The following ZNF385D variants were observed in gnomAD, a reference collection of about 807,000 sequenced individuals.
ZNF385D encodes zinc finger protein 659.
In ZNF385D, 15 loss-of-function variants were observed where a neutral mutation model predicts 35.8. The ratio of observed to expected loss-of-function variants is 0.42; its 90% CI spans 0.28 to 0.64. ZNF385D has a LOEUF of 0.64. Among genes scored for constraint, ZNF385D ranks in the 30% least tolerant of loss-of-function variants. The probability of loss-of-function intolerance (pLI) is 0.23; values close to 1 mark genes in which losing one functional copy is unlikely to be tolerated. For synonymous variants in ZNF385D, 212 were observed against 186.8 expected (o/e 1.13, Z -1.10); for missense variants, 474 against 494.6 (o/e 0.96, Z 0.39).
At chr3:21,561,496 A>G (rs532675331) in intron 3 of ZNF385D, among the ~76,000 whole-genome samples, 131 of 152,248 alleles carry the variant, frequency 8.6e-4, no homozygotes, top group Non-Finnish European at 1.1e-3. Flanking sequence ...ACCAGTCCCA[A>G]TGAGATGAAC....
chr3:22,088,485 T>C (rs1380639890), intron 3 of ZNF385D, among the ~76,000 whole-genome samples: 1 of 152,170 alleles, frequency 6.6e-6, no homozygotes, highest in African/African-American at 2.4e-5. Flanking sequence ...TGTGTATGGA[T>C]GAATCTGAGG....
intron 3 of ZNF385D, among the ~76,000 whole-genome samples, chr3:22,016,935 GAC>G (rs140018760): frequency 1.4e-3 from 213 of 148,710 alleles, no homozygotes; most frequent in African/African-American, 4.6e-3. Context: ...CCATCCATCG[GAC>G]ACACACACAC....
chr3:21,910,779 G>A (rs1699924324), intron 3 of ZNF385D, among the ~76,000 whole-genome samples: 1 of 151,564 alleles, frequency 6.6e-6, no homozygotes, highest in Non-Finnish European at 1.5e-5. Context: ...AAGAATACTA[G>A]ATAAATTCCG....
intron 2 of ZNF385D, among the ~76,000 whole-genome samples, chr3:22,311,710 C>T (rs188894123): frequency 2.6e-5 from 4 of 152,146 alleles, no homozygotes; most frequent in South Asian, 2.1e-4. Context: ...ATAATATTCA[C>T]GCTTTGCTCT....
rs1559752595 is a variant in ZNF385D at position 21,918,022 on chromosome 3, G to A, written c.325+250795C>T. On this transcript the variant is annotated intron_variant, in intron 3 of 5. Transcript: ENST00000494108. ...GAGCTAATCTGAATTGATTGCTCAG[G>A]GAGGACTTTTGTGCTTTGACTTAGA... 2.6e-5 allele frequency among the ~76,000 whole-genome samples: 4 copies of A among 152,180 alleles called. No individual in the cohort carries two copies. In the South Asian group the frequency reaches 8.3e-4, roughly 31 times the overall value.
intron 3 of ZNF385D, among the ~76,000 whole-genome samples, chr3:22,058,502 G>A (rs1699526141): frequency 6.6e-6 from 1 of 152,154 alleles, no homozygotes; most frequent in Non-Finnish European, 1.5e-5. Context: ...CACAAAGTGA[G>A]GCAATGTTTC....
intron 3 of ZNF385D, among the ~76,000 whole-genome samples, chr3:22,136,489 T>C (rs534047019): frequency 2.6e-4 from 39 of 151,438 alleles, no homozygotes; most frequent in Middle Eastern, 6.9e-3. Flanking sequence ...TGAGAGAAAA[T>C]ATTTCAAACC....
At chr3:21,912,824 C>T (rs1452413672) in intron 3 of ZNF385D, among the ~76,000 whole-genome samples, 10 of 151,986 alleles carry the variant, frequency 6.6e-5, no homozygotes, top group Non-Finnish European at 5.9e-5. Flanking sequence ...CATTATTGGT[C>T]CCTTTATTTC....
chr3:22,150,647 G>A (rs1559409595), intron 3 of ZNF385D, among the ~76,000 whole-genome samples: 1 of 152,070 alleles, frequency 6.6e-6, no homozygotes, highest in African/African-American at 2.4e-5. Context: ...TTAAATTACA[G>A]AAGAATAAGG....
Position 21,706,814 on chromosome 3 carries a change from TGATAGATAGATAGATAGATA to T in ZNF385D, c.23-41806_23-41787del, listed in dbSNP as rs67457933. Among the ~76,000 whole-genome samples the T allele has an allele frequency of 3.6e-4, 54 of 150,328 alleles. 2 individuals are homozygous for T. Among genetic ancestry groups the T allele is most frequent in the Admixed American group, 5.3e-4 (8 of 15,088 alleles). On this transcript the variant is annotated intron_variant, in intron 1 of 7. Transcript: ENST00000281523. Reference sequence around the variant, plus strand: ...TTTAGATAGACACAAAGATAATAGATGATAGATAGATAGATAGATAGATAGATAGATAGATAGATAAATAG... The same window carrying T: ...TTTAGATAGACACAAAGATAATAGATGATAGATAGATAGATAGATAAATAG...
intron 3 of ZNF385D, among the ~76,000 whole-genome samples, chr3:21,861,010 C>G (rs931005349): frequency 6.6e-6 from 1 of 152,104 alleles, no homozygotes; most frequent in Non-Finnish European, 1.5e-5. Context: ...ATTAAGTTAC[C>G]TCTATACCTT....
chr3:22,323,795 G>C (rs1290939800), intron 2 of ZNF385D, among the ~76,000 whole-genome samples: 1 of 152,056 alleles, frequency 6.6e-6, no homozygotes. Context: ...ACTAACCTAT[G>C]AAAGGAAATT....
chr3:22,283,467 C>A (rs1042113031), intron 2 of ZNF385D, among the ~76,000 whole-genome samples: 7 of 152,108 alleles, frequency 4.6e-5, no homozygotes, highest in African/African-American at 1.7e-4. Context: ...AAGCAGATGT[C>A]CAATCAAGAA....
At chr3:21,678,694 G>C (rs952722148) in intron 1 of ZNF385D, among the ~76,000 whole-genome samples, 3 of 152,060 alleles carry the variant, frequency 2.0e-5, no homozygotes, top group African/African-American at 7.2e-5. Flanking sequence ...AAATTGCTTT[G>C]AGCAGGAATG....
chr3:22,319,200 GTCTT>G (rs1409228488), intron 2 of ZNF385D, among the ~76,000 whole-genome samples: 1 of 152,084 alleles, frequency 6.6e-6, no homozygotes, highest in Non-Finnish European at 1.5e-5. Flanking sequence ...TTTCAACCAA[GTCTT>G]TCTTATGTGT....
intron 4 of ZNF385D, among the ~76,000 whole-genome samples, chr3:21,491,673 C>G (rs1365158164): frequency 6.6e-6 from 1 of 152,112 alleles, no homozygotes; most frequent in Non-Finnish European, 1.5e-5. Flanking sequence ...GATTGGAATA[C>G]AGCCATGCTC....
intron 2 of ZNF385D, among the ~76,000 whole-genome samples, chr3:22,345,373 G>T (rs954447745): frequency 3.3e-5 from 5 of 152,142 alleles, no homozygotes; most frequent in Non-Finnish European, 7.4e-5. Flanking sequence ...ACTGAAAGCT[G>T]TGTAATTACT....
intron 3 of ZNF385D, among the ~76,000 whole-genome samples, chr3:21,918,748 A>G (rs1559753325): frequency 6.6e-6 from 1 of 152,100 alleles, no homozygotes. Context: ...TTGTCTTTTT[A>G]TTGGCAGAAG....
intron 3 of ZNF385D, among the ~76,000 whole-genome samples, chr3:22,143,236 C>A (rs1195545482): frequency 6.6e-6 from 1 of 151,994 alleles, no homozygotes; most frequent in Non-Finnish European, 1.5e-5. Context: ...GCGCCCACCA[C>A]CACGCCTGGC....
Sources: allele counts gnomAD v4.1 joint callset (sites outside exome capture counted in the v4.1 genomes callset), GRCh38; gene constraint gnomAD v4.1.1; transcripts MANE v1.5; gene names NCBI Gene and HGNC (gene_info 2026-07-23, HGNC 2026-07-21).